The following GNAL variants were observed in gnomAD, a reference collection of about 807,000 sequenced individuals.
GNAL encodes the protein guanine nucleotide-binding protein G(olf) subunit alpha.
A neutral mutation model predicts 55.1 loss-of-function variants in GNAL; 18 were observed. The ratio of observed to expected loss-of-function variants is 0.33; its 90% CI spans 0.23 to 0.48. The LOEUF is 0.48. GNAL is among the 20% of genes least tolerant of loss of function. The pLI is 0.99. For missense variants in GNAL, 412 were observed against 614.1 expected (o/e 0.67, Z 3.48); for synonymous variants, 253 against 237.0 (o/e 1.07, Z -0.62).
At chr18:11,724,608 T>C (rs115034013) in intron 1 of GNAL, among the ~76,000 whole-genome samples, 10 of 152,282 alleles carry the variant, frequency 6.6e-5, no homozygotes, top group African/African-American at 2.4e-4. Flanking sequence ...AAAGGTATGA[T>C]AGCAGGAGTG....
intron 4 of GNAL, among the ~76,000 whole-genome samples, chr18:11,818,276 G>T (rs1324497386): frequency 6.6e-6 from 1 of 152,082 alleles, no homozygotes; most frequent in African/African-American, 2.4e-5. Flanking sequence ...AACAGATCCA[G>T]ACTTTTAACT....
intron 4 of GNAL, among the ~76,000 whole-genome samples, chr18:11,820,976 A>T (rs890163829): frequency 3.3e-5 from 5 of 152,236 alleles, no homozygotes; most frequent in African/African-American, 1.2e-4. Context: ...TAATTCTCTC[A>T]GGCTTCAGCT....
intron 7 of GNAL, among the ~76,000 whole-genome samples, chr18:11,865,624 A>G (rs1188572886): frequency 6.8e-6 from 1 of 147,250 alleles, no homozygotes; most frequent in South Asian, 2.1e-4. Flanking sequence ...GCTTGATGGC[A>G]TACACCTGTG....
Position 11,882,052 on chromosome 18 carries a change from G to C in GNAL, c.*917G>C, listed in dbSNP as rs1387592295. 6.6e-6 allele frequency: 1 copy of C among 152,250 alleles called. No homozygotes were observed. Among genetic ancestry groups the C allele is most frequent in the Admixed American group, 6.5e-5 (1 of 15,278 alleles). 9.4% of individuals were successfully genotyped at this position (152,250 alleles called of 1,614,324 possible). A position where few individuals can be genotyped will look rare whatever the true frequency, so the allele number is the denominator to read the frequency against. On this transcript the variant is annotated 3_prime_UTR_variant, in exon 12 of 12. Coordinates refer to ENST00000334049, the MANE Select transcript of GNAL (RefSeq NM_182978.4). ...CTGTAGAATTTAGGATATTTTATCA[G>C]GTTGGCACTTTATAAAATACTCCCT...
chr18:11,779,011 A>G (rs1373394849), intron 4 of GNAL, among the ~76,000 whole-genome samples: 1 of 152,074 alleles, frequency 6.6e-6, no homozygotes, highest in Non-Finnish European at 1.5e-5. Flanking sequence ...CTCCCAATCC[A>G]TGATGGGAAC....
chr18:11,872,753 C>T (rs1209215275), intron 10 of GNAL, among the ~76,000 whole-genome samples: 2 of 152,156 alleles, frequency 1.3e-5, no homozygotes, highest in Admixed American at 1.3e-4. Context: ...CTCACTTCAC[C>T]CTCAGATGAC....
At chr18:11,796,987 C>T (rs570467532) in intron 4 of GNAL, among the ~76,000 whole-genome samples, 2 of 152,308 alleles carry the variant, frequency 1.3e-5, no homozygotes, top group South Asian at 2.1e-4. Context: ...CAGGGTCTCA[C>T]TGTGCCACCC....
chr18:11,695,926 A>ATG (rs2031395312), intron 1 of GNAL, among the ~76,000 whole-genome samples: 7 of 143,628 alleles, frequency 4.9e-5, no homozygotes, highest in Non-Finnish European at 1.0e-4. Context: ...ACGCATGCAC[A>ATG]CACACACACA....
intron 1 of GNAL, among the ~76,000 whole-genome samples, chr18:11,705,296 T>C (rs1023098348): frequency 6.6e-6 from 1 of 152,266 alleles, no homozygotes. Flanking sequence ...CTTTTCTTTT[T>C]TAAGGTTGAA....
At chr18:11,754,143 G>A (rs1004300671) in intron 4 of GNAL, among the ~76,000 whole-genome samples, 198 bp downstream of exon 4, 1 of 152,138 alleles carries the variant, frequency 6.6e-6, no homozygotes. Flanking sequence ...GGCCAGGGGC[G>A]GTGGCTCACA....
chr18:11,759,373 A>G (rs2033165135), intron 4 of GNAL, among the ~76,000 whole-genome samples: 1 of 152,246 alleles, frequency 6.6e-6, no homozygotes, highest in Admixed American at 6.5e-5. Flanking sequence ...TAAGGGGAAG[A>G]GGATAAATCA....
At chr18:11,768,963 AATAT>A (rs1419960153) in intron 4 of GNAL, among the ~76,000 whole-genome samples, 25 of 101,798 alleles carry the variant, frequency 2.5e-4, no homozygotes, top group African/African-American at 1.2e-3. Context: ...TGTTATATAT[AATAT>A]ATTATATATA....
At chr18:11,810,254 C>T (rs112553992) in intron 4 of GNAL, among the ~76,000 whole-genome samples, 3,073 of 152,210 alleles carry the variant, frequency 0.02, 102 homozygotes, top group African/African-American at 0.07. Flanking sequence ...AATAGCCAGG[C>T]GTGGTGGTGT....
intron 1 of GNAL, among the ~76,000 whole-genome samples, chr18:11,721,471 C>T (rs1025077834): frequency 7.9e-5 from 12 of 152,106 alleles, no homozygotes; most frequent in Middle Eastern, 3.4e-3. Flanking sequence ...ATAGTCTCAC[C>T]GGCTGGACAC....
intron 1 of GNAL, among the ~76,000 whole-genome samples, chr18:11,710,850 A>G (rs2031820219): frequency 6.6e-6 from 1 of 151,884 alleles, no homozygotes; most frequent in South Asian, 2.1e-4. Flanking sequence ...CAATTTGATT[A>G]CAATGTCTCA....
At chr18:11,805,757 C>G (rs2143535547) in intron 4 of GNAL, among the ~76,000 whole-genome samples, 1 of 152,290 alleles carries the variant, frequency 6.6e-6, no homozygotes, top group East Asian at 1.9e-4. Flanking sequence ...CATGGGTGAG[C>G]ACTTTGGTTG....
At chr18:11,786,291 G>A (rs2034053491) in intron 4 of GNAL, among the ~76,000 whole-genome samples, 1 of 151,670 alleles carries the variant, frequency 6.6e-6, no homozygotes, top group African/African-American at 2.4e-5. Context: ...TAGAAACCCG[G>A]TTTATTTTTC....
intron 5 of GNAL, among the ~76,000 whole-genome samples, chr18:11,829,139 C>T (rs1345090926): frequency 1.3e-5 from 2 of 152,192 alleles, no homozygotes; most frequent in Non-Finnish European, 2.9e-5. Flanking sequence ...GGGCCTCAGG[C>T]CAAGACTCCC....
chr18:11,788,906 A>ATATATATATAT (rs1555650621), intron 4 of GNAL, among the ~76,000 whole-genome samples: 7 of 23,560 alleles, frequency 3.0e-4, no homozygotes, highest in Admixed American at 8.5e-4. Context: ...CGAAAAAAAA[A>ATATATATATAT]AAAAAAAAAT....
Sources: allele counts gnomAD v4.1 joint callset (sites outside exome capture counted in the v4.1 genomes callset), GRCh38; gene constraint gnomAD v4.1.1; transcripts MANE v1.5; gene names NCBI Gene and HGNC (gene_info 2026-07-23, HGNC 2026-07-21).